IRF2: variants seen among roughly 807,000 people sequenced by gnomAD.
IRF2 encodes the protein interferon regulatory factor 2.
Under a neutral mutation model 40.6 loss-of-function variants are expected in IRF2, and 15 were observed. That is an observed-to-expected ratio of 0.37 (90% CI 0.25 to 0.57). The LOEUF (loss-of-function observed/expected upper bound fraction) is 0.57. Among genes scored for constraint, IRF2 ranks in the 20% least tolerant of loss-of-function variants. The probability of loss-of-function intolerance (pLI) is 0.77; values close to 1 mark genes in which losing one functional copy is unlikely to be tolerated. For missense variants in IRF2, 317 were observed against 455.7 expected, an observed-to-expected ratio of 0.70 and a Z score of 2.77; for synonymous variants, 151 against 165.5, an observed-to-expected ratio of 0.91 and a Z score of 0.67.
chr4:184,419,412 A>T, intron 3 of IRF2, 57 bp downstream of exon 3: 2 of 1,202,972 alleles, frequency 1.7e-6, no homozygotes, highest in Non-Finnish European at 2.5e-6. Context: ...ATGTGTAATA[A>T]AAACAAAACT....
intron 7 of IRF2, among the ~76,000 whole-genome samples, chr4:184,394,819 C>G (rs1736386628): frequency 6.6e-6 from 1 of 152,160 alleles, no homozygotes; most frequent in African/African-American, 2.4e-5. Flanking sequence ...TGTAATGCAC[C>G]TTTAAACATG....
At chr4:184,395,412 C>CAA (rs34566726) in intron 7 of IRF2, among the ~76,000 whole-genome samples, 13,298 of 66,978 alleles carry the variant, frequency 0.2, 2,776 homozygotes, top group African/African-American at 0.28. Context: ...GACTCCGTCT[C>CAA]AAAAAAAAAA....
intron 5 of IRF2, among the ~76,000 whole-genome samples, chr4:184,412,678 C>CA (rs1737120604): frequency 6.6e-6 from 1 of 152,238 alleles, no homozygotes; most frequent in Non-Finnish European, 1.5e-5. Flanking sequence ...GTAAGACAGG[C>CA]TGGGGCCTCC....
Position 184,448,543 on chromosome 4 carries a change from A to G in IRF2, c.-6-19473T>C, listed in dbSNP as rs1738599611. 6.6e-6 allele frequency: 1 copy of G among 152,174 alleles called. No homozygotes were observed. Among genetic ancestry groups the G allele is most frequent in the Non-Finnish European group, 1.5e-5 (1 of 68,036 alleles). 9.4% of individuals were successfully genotyped at this position (152,174 alleles called of 1,614,324 possible). ...AAGCGCTCAGATTTAGGCGCCAAAG[A>G]TTTACCTCCAGCCAAACTTCTGTGC... On this transcript the variant is annotated intron_variant, in intron 1 of 8. Coordinates refer to ENST00000393593, the MANE Select transcript of IRF2 (RefSeq NM_002199.4). This position sits in a 1 kb window ranked among gnomAD's most constrained non-coding sequence, Gnocchi z 4.3.
intron 5 of IRF2, among the ~76,000 whole-genome samples, chr4:184,412,007 A>G (rs1369690680): frequency 3.1e-5 from 2 of 64,670 alleles, no homozygotes; most frequent in Non-Finnish European, 1.1e-4. Context: ...CCAAAGATTA[A>G]AAAAAAAAAA....
chr4:184,407,253 A>G, intron 6 of IRF2: 15 of 1,287,068 alleles, frequency 1.2e-5, no homozygotes, highest in Non-Finnish European at 1.5e-5. Flanking sequence ...CCAAAAACAG[A>G]AGTCACCATA....
chr4:184,444,849 G>A (rs1346768795), intron 1 of IRF2, among the ~76,000 whole-genome samples: 1 of 152,248 alleles, frequency 6.6e-6, no homozygotes, highest in African/African-American at 2.4e-5. Flanking sequence ...ATGGGTAACT[G>A]TAACCACTAA....
At chr4:184,464,476 C>T (rs1739254015) in intron 1 of IRF2, among the ~76,000 whole-genome samples, 1 of 151,862 alleles carries the variant, frequency 6.6e-6, no homozygotes. Flanking sequence ...AGGGAATGTA[C>T]AGGACATGAA....
intron 7 of IRF2, among the ~76,000 whole-genome samples, chr4:184,391,574 A>C (rs1736263213): frequency 6.6e-6 from 1 of 152,238 alleles, no homozygotes; most frequent in Non-Finnish European, 1.5e-5. Flanking sequence ...TAATTTTGCC[A>C]AAACCACATG....
At chr4:184,455,426 T>C (rs868585861) in intron 1 of IRF2, among the ~76,000 whole-genome samples, 6 of 147,352 alleles carry the variant, frequency 4.1e-5, no homozygotes, top group African/African-American at 1.5e-4. Flanking sequence ...ATTACAGGCA[T>C]GAGCCACCGC....
chr4:184,427,218 C>A lies in IRF2; in HGVS notation c.87+1760G>T, dbSNP rs1364625236. Among the ~76,000 whole-genome samples the A allele has an allele frequency of 2.0e-5, 3 of 152,170 alleles. No individual in the cohort carries two copies. In the East Asian group the frequency reaches 5.8e-4, roughly 29 times the overall value. On this transcript the variant is annotated intron_variant, in intron 2 of 8. Coordinates refer to ENST00000393593, the MANE Select transcript of IRF2 (RefSeq NM_002199.4). ...ATCTAAAACACTATAGATAGAGCAA[C>A]CCTAGAAAAATACATTGTGGTAAGA...
At chr4:184,447,300 A>C (rs1279731016) in intron 1 of IRF2, among the ~76,000 whole-genome samples, 1 of 152,244 alleles carries the variant, frequency 6.6e-6, no homozygotes, top group Admixed American at 6.5e-5. Flanking sequence ...GAGCACCCAA[A>C]TACATGACTG....
In IRF2 at chr4:184,448,362, A is replaced by C. The variant is rs552676468; in HGVS notation, c.-6-19292T>G. ...CTTTATCTATCCATCCATAAGGGGCAGCTTAATCAAGCAACAATTAGCTGA... is the reference window on the plus strand; with the variant it reads ...CTTTATCTATCCATCCATAAGGGGCCGCTTAATCAAGCAACAATTAGCTGA... On this transcript the variant is annotated intron_variant, in intron 1 of 8. Coordinates refer to ENST00000393593, the MANE Select transcript of IRF2 (RefSeq NM_002199.4). The surrounding 1 kb of genome is among the most constrained non-coding windows in gnomAD (Gnocchi z 4.3). 1.4e-4 allele frequency among the ~76,000 whole-genome samples: 21 copies of C among 152,328 alleles called. No individual in the cohort carries two copies. In the East Asian group the frequency reaches 2.7e-3, roughly 20 times the overall value.
chr4:184,470,714 A>G (rs71622966), intron 1 of IRF2, among the ~76,000 whole-genome samples: 28,797 of 148,522 alleles, frequency 0.19, 3,481 homozygotes, highest in South Asian at 0.31. Flanking sequence ...AGAAAAGAAA[A>G]AAAAGGTGGT....
chr4:184,459,168 C>T (rs1739045699), intron 1 of IRF2, among the ~76,000 whole-genome samples: 5 of 152,022 alleles, frequency 3.3e-5, no homozygotes, highest in African/African-American at 1.2e-4. Context: ...CTACCATATC[C>T]GAGTCCCAAG....
intron 5 of IRF2, among the ~76,000 whole-genome samples, chr4:184,410,085 G>A (rs1737018151): frequency 6.6e-6 from 1 of 151,978 alleles, no homozygotes; most frequent in Non-Finnish European, 1.5e-5. Context: ...CTGTGGTCTC[G>A]CTTCCTCTCC....
At chr4:184,429,109 C>G (rs114977710) in intron 1 of IRF2, 39 bp from the exon 2 acceptor site, 2 of 1,530,036 alleles carry the variant, frequency 1.3e-6, no homozygotes, top group Admixed American at 3.4e-5. Flanking sequence ...GTTGGTGCCA[C>G]TCAGTGTGGT....
At chr4:184,449,534 C>T (rs1041014007) in intron 1 of IRF2, among the ~76,000 whole-genome samples, 3 of 152,176 alleles carry the variant, frequency 2.0e-5, no homozygotes, top group East Asian at 1.9e-4. Flanking sequence ...TTGCTATATA[C>T]GCCCAGCACA....
At chr4:184,390,019 T>A (rs970758464) in intron 8 of IRF2, among the ~76,000 whole-genome samples, 2 of 152,222 alleles carry the variant, frequency 1.3e-5, no homozygotes, top group Non-Finnish European at 2.9e-5. Context: ...CTTTTCAGAA[T>A]CCCTGCACTT....
Sources: allele counts gnomAD v4.1 joint callset (sites outside exome capture counted in the v4.1 genomes callset), GRCh38; gene constraint gnomAD v4.1.1; non-coding constraint Gnocchi (gnomAD v3.1); transcripts MANE v1.5; gene names NCBI Gene and HGNC (gene_info 2026-07-23, HGNC 2026-07-21).